The following NREP variants were observed in gnomAD, a reference collection of about 807,000 sequenced individuals.
NREP encodes neuronal regeneration related protein.
A neutral mutation model predicts 8.6 loss-of-function variants in NREP; 5 were observed. That is an observed-to-expected ratio of 0.58 (90% CI 0.30 to 1.22). NREP has a LOEUF of 1.22. NREP is among the 50% of genes most tolerant of loss of function. The pLI, the probability that NREP is intolerant of heterozygous loss-of-function variation, is 0.07. For synonymous variants in NREP, 27 were observed against 28.0 expected (o/e 0.96, Z 0.11); for missense variants, 86 against 82.5 (o/e 1.04, Z -0.17).
intron 2 of NREP, among the ~76,000 whole-genome samples, chr5:111,904,187 A>G (rs1299943173): frequency 1.3e-5 from 2 of 152,132 alleles, no homozygotes; most frequent in African/African-American, 2.4e-5. Context: ...ATTTGTTACT[A>G]TTGATGAACC....
intron 2 of NREP, among the ~76,000 whole-genome samples, chr5:111,815,007 AG>A (rs1752353361): frequency 6.6e-6 from 1 of 152,034 alleles, no homozygotes; most frequent in African/African-American, 2.4e-5. Flanking sequence ...TGTAATAAAA[AG>A]GGATTTTAAC....
At chr5:111,787,961 G>C (rs1188288185) in intron 2 of NREP, among the ~76,000 whole-genome samples, 1 of 152,020 alleles carries the variant, frequency 6.6e-6, no homozygotes, top group Non-Finnish European at 1.5e-5. Context: ...AGCTGGCCAG[G>C]GTGGTGCACA....
At chr5:111,755,483 A>T in intron 2 of NREP, 1 of 412,718 alleles carries the variant, frequency 2.4e-6, no homozygotes, top group Non-Finnish European at 4.5e-6. Context: ...CTCTTCTTAA[A>T]GAACCGAATA....
intron 2 of NREP, among the ~76,000 whole-genome samples, chr5:111,956,161 A>G (rs746617735): frequency 6.6e-6 from 1 of 152,158 alleles, no homozygotes; most frequent in Non-Finnish European, 1.5e-5. Context: ...GGAAACCTCT[A>G]CAACCCAGGA....
At chr5:111,801,106 T>C (rs543525488) in intron 2 of NREP, among the ~76,000 whole-genome samples, 1 of 152,220 alleles carries the variant, frequency 6.6e-6, no homozygotes, top group South Asian at 2.1e-4. Context: ...GAGAAAGACA[T>C]TCCTGTGTCA....
intron 2 of NREP, among the ~76,000 whole-genome samples, chr5:111,837,798 C>T (rs560574648): frequency 6.6e-6 from 1 of 152,094 alleles, no homozygotes; most frequent in South Asian, 2.1e-4. Flanking sequence ...GGCAAAGTAG[C>T]ATAGTCAGAT....
chr5:111,772,598 C>A (rs2112874450), intron 2 of NREP, among the ~76,000 whole-genome samples: 1 of 152,130 alleles, frequency 6.6e-6, no homozygotes, highest in African/African-American at 2.4e-5. Context: ...AACAGGTGTG[C>A]AGCCTCAGAG....
At chr5:111,756,803 A>G (rs1350714902) in intron 1 of NREP, among the ~76,000 whole-genome samples, 3 of 152,230 alleles carry the variant, frequency 2.0e-5, no homozygotes, top group African/African-American at 7.2e-5. Flanking sequence ...ATTTAATGCA[A>G]AGAAACACAA....
intron 2 of NREP, among the ~76,000 whole-genome samples, chr5:111,857,696 T>C (rs1278278267): frequency 6.6e-6 from 1 of 152,168 alleles, no homozygotes. Flanking sequence ...CACAAGTAGA[T>C]GGCTTTTTGT....
chr5:111,735,089 G>C, intron 3 of NREP: 1 of 314,240 alleles, frequency 3.2e-6, no homozygotes. Context: ...ACAATTAATA[G>C]TCATCATACT....
chr5:111,935,385 G>A (rs1755655109), intron 2 of NREP, among the ~76,000 whole-genome samples: 1 of 152,062 alleles, frequency 6.6e-6, no homozygotes, highest in African/African-American at 2.4e-5. Flanking sequence ...AAAGAAACAG[G>A]AAATCTAAGC....
intron 2 of NREP, among the ~76,000 whole-genome samples, chr5:111,840,275 G>A (rs1008445017): frequency 6.6e-6 from 1 of 151,770 alleles, no homozygotes; most frequent in Non-Finnish European, 1.5e-5. Context: ...TTGTATGCTC[G>A]GGATTTTTTT....
At chr5:111,879,076 A>G (rs1288270381) in intron 2 of NREP, among the ~76,000 whole-genome samples, 1 of 152,178 alleles carries the variant, frequency 6.6e-6, no homozygotes, top group Non-Finnish European at 1.5e-5. Flanking sequence ...TGCCTTCCGC[A>G]TAGTAATGAG....
At chr5:111,753,361 TATATG>T (rs1045147975) in intron 2 of NREP, among the ~76,000 whole-genome samples, 4 of 147,614 alleles carry the variant, frequency 2.7e-5, no homozygotes, top group East Asian at 3.9e-4. Context: ...TATGTATATA[TATATG>T]ATATGTAGAT....
At chr5:111,946,948 A>C (rs1438269512) in intron 2 of NREP, among the ~76,000 whole-genome samples, 9 of 152,046 alleles carry the variant, frequency 5.9e-5, no homozygotes, top group Non-Finnish European at 1.3e-4. Context: ...TAAATAATAA[A>C]AATAAGAATA....
intron 2 of NREP, among the ~76,000 whole-genome samples, chr5:111,905,075 G>A (rs1739379892): frequency 6.6e-6 from 1 of 152,048 alleles, no homozygotes; most frequent in Non-Finnish European, 1.5e-5. Flanking sequence ...TAATCACTCT[G>A]TAAATTCCCT....
intron 2 of NREP, among the ~76,000 whole-genome samples, chr5:111,950,696 C>G (rs1489261093): frequency 1.6e-5 from 2 of 125,500 alleles, no homozygotes; most frequent in Non-Finnish European, 3.2e-5. Context: ...AACAAATTTA[C>G]AAGAAAAAAA....
intron 2 of NREP, among the ~76,000 whole-genome samples, chr5:111,963,268 C>T (rs1355839462): frequency 1.3e-5 from 2 of 152,356 alleles, no homozygotes; most frequent in East Asian, 3.9e-4. Context: ...CACGTACTCC[C>T]TCACACAAGA....
In NREP at chr5:111,766,127, G is replaced by A. The variant is rs779828607; in HGVS notation, c.136-30620C>T. On this transcript the variant is annotated intron_variant, in intron 2 of 3. Transcript: ENST00000395634. ...TAACTTCAAGTTCATCTTGATTTCA[G>A]TGTTGCATATAGCCTTTTCATTCTA... Among the ~76,000 whole-genome samples the A allele has an allele frequency of 2.6e-5, 4 of 152,150 alleles. 1 individual carries two copies. The highest frequency in any genetic ancestry group is 2.0e-4 in the Admixed American group (3 of 15,276).
Sources: gnomAD v4.1 joint callset for allele counts (sites outside exome capture counted in the v4.1 genomes callset) on GRCh38, gnomAD v4.1.1 for gene constraint, MANE v1.5 for transcripts, NCBI Gene and HGNC (gene_info 2026-07-23, HGNC 2026-07-21) for gene names.